PARD3B: variants seen among roughly 807,000 people sequenced by gnomAD.
PARD3B encodes par-3 family cell polarity regulator beta, also known as partitioning defective 3 homolog B.
In PARD3B, 103 loss-of-function variants were observed where a neutral mutation model predicts 130.2. That is an observed-to-expected ratio of 0.79 (90% CI 0.67 to 0.93). The LOEUF (loss-of-function observed/expected upper bound fraction) is 0.93, where lower values mean the gene tolerates loss of function less well. Among genes scored for constraint, PARD3B ranks in the 40% least tolerant of loss-of-function variants. The pLI is 0.00. For synonymous variants in PARD3B, 583 were observed against 553.2 expected, an observed-to-expected ratio of 1.05 and a Z score of -0.76; for missense variants, 1,609 against 1,499.2, an observed-to-expected ratio of 1.07 and a Z score of -1.21.
chr2:204,643,998 C>T (rs924573041), intron 1 of PARD3B, among the ~76,000 whole-genome samples: 1 of 152,126 alleles, frequency 6.6e-6, no homozygotes, highest in Non-Finnish European at 1.5e-5. Flanking sequence ...CTAGTCTTCC[C>T]CTTCTCAAGC....
In PARD3B at chr2:205,248,601, C is replaced by CTTTTTT. The variant is rs762295338; in HGVS notation, c.2185+2799_2185+2804dup. Among the ~76,000 whole-genome samples, 127 of 84,676 alleles carry CTTTTTT rather than the reference C, an allele frequency of 1.5e-3. 8 individuals carry two copies. Among genetic ancestry groups the CTTTTTT allele is most frequent in the African/African-American group, 2.3e-3 (48 of 20,732 alleles). The allele number at this position is 84,676 out of a possible 152,430, so 55.6% of individuals were successfully genotyped here. On this transcript the variant is annotated intron_variant, in intron 16 of 22. Coordinates refer to ENST00000406610, the MANE Select transcript of PARD3B (RefSeq NM_001302769.2). ...ATAAATCTCTACTTGTCTCACCATT[C>CTTTTTT]TTTTTTTTTTTTTTTTTTTTTTTTT... is the stretch of plus-strand genomic sequence containing the variant.
At chr2:204,917,722 G>A (rs2047500573) in intron 2 of PARD3B, among the ~76,000 whole-genome samples, 1 of 152,234 alleles carries the variant, frequency 6.6e-6, no homozygotes, top group Non-Finnish European at 1.5e-5. Flanking sequence ...TGTAGCCAAC[G>A]ACAAGTATTT....
intron 2 of PARD3B, among the ~76,000 whole-genome samples, chr2:204,857,187 T>C (rs920847356): frequency 2.0e-5 from 3 of 152,192 alleles, no homozygotes; most frequent in Admixed American, 6.6e-5. Flanking sequence ...ACTTTGAGCA[T>C]CTTTTTTCAA....
intron 18 of PARD3B, among the ~76,000 whole-genome samples, chr2:205,390,195 A>G (rs1351285067): frequency 6.6e-6 from 1 of 151,306 alleles, no homozygotes; most frequent in African/African-American, 2.4e-5. Context: ...TAAGATTTTT[A>G]TGACACAATG....
At chr2:205,083,761 A>G (rs951147681) in intron 4 of PARD3B, among the ~76,000 whole-genome samples, 1 of 151,872 alleles carries the variant, frequency 6.6e-6, no homozygotes, top group Non-Finnish European at 1.5e-5. Context: ...AACACTTTAT[A>G]TGGTTTAGAA....
intron 15 of PARD3B, among the ~76,000 whole-genome samples, chr2:205,231,071 C>T (rs1055124117): frequency 6.6e-6 from 1 of 152,054 alleles, no homozygotes; most frequent in African/African-American, 2.4e-5. Flanking sequence ...CCCTTCAGTG[C>T]CTTTTTCAGT....
intron 16 of PARD3B, among the ~76,000 whole-genome samples, chr2:205,254,483 T>C (rs1574513058): frequency 6.6e-6 from 1 of 152,222 alleles, no homozygotes; most frequent in East Asian, 1.9e-4. Context: ...ATATTGCTAT[T>C]ACTTCATGTA....
rs1309998658 is a variant in PARD3B, at chr2:205,440,424, T to G, written c.2796T>G (p.Asp932Glu). ...AAAAGCAGGCAAGAGGTCTTCTTGATTATGCTACTGGTGCAATTGGATCAG... is the reference window on the plus strand; with the variant it reads ...AAAAGCAGGCAAGAGGTCTTCTTGAGTATGCTACTGGTGCAATTGGATCAG... Reference protein sequence around the residue: ...LREKQARGLLDYATGAIGSVY... With the variant: ...LREKQARGLLEYATGAIGSVY... Residue 932 changes from aspartate (D) to glutamate (E), a missense_variant, in exon 20 of 23, where the codon GAT (aspartate) becomes GAG (glutamate). By Grantham distance (45) the Asp-to-Glu change is conservative. Coordinates refer to ENST00000406610, the MANE Select transcript of PARD3B (RefSeq NM_001302769.2). The surrounding 1 kb of genome is among the most constrained non-coding windows in gnomAD (Gnocchi z 4.2). The G allele has an allele frequency of 2.5e-6, 4 of 1,614,022 alleles. No homozygotes were observed. The highest frequency in any genetic ancestry group is 3.4e-6 in the Non-Finnish European group (4 of 1,179,994).
intron 2 of PARD3B, among the ~76,000 whole-genome samples, chr2:204,803,398 A>C (rs1408831203): frequency 6.6e-6 from 1 of 152,074 alleles, no homozygotes; most frequent in South Asian, 2.1e-4. Context: ...GTATTATGAC[A>C]TTGTAATTAT....
rs6729790 is a variant in PARD3B, at chr2:204,602,702, G to A, written c.120+56583G>A. On this transcript the variant is annotated intron_variant, in intron 1 of 22. Coordinates refer to ENST00000406610, the MANE Select transcript of PARD3B (RefSeq NM_001302769.2). ...AGGGCTCTGTGTTGATTGTTGGTGG[G>A]GGTGGGTGAGATACAAATATAACGT... 9.0e-3 allele frequency among the ~76,000 whole-genome samples: 1,370 copies of A among 151,978 alleles called. 19 individuals are homozygous for A. Among genetic ancestry groups the A allele is most frequent in the African/African-American group, 0.032 (1,330 of 41,460 alleles).
rs1290968921 is a variant in PARD3B, at chr2:205,523,978, T to TA, written c.3180+23948dup. Reference sequence around the variant, plus strand: ...TTGAAGTACGTAACAAATTTTTTTTTACCTCAATGACTTGACTGCTTCCCA... The same window carrying TA: ...TTGAAGTACGTAACAAATTTTTTTTTAACCTCAATGACTTGACTGCTTCCCA... On this transcript the variant is annotated intron_variant, in intron 21 of 22. Transcript: ENST00000406610. Among the ~76,000 whole-genome samples, 10 of 152,196 alleles carry TA rather than the reference T, an allele frequency of 6.6e-5. No homozygotes were observed. In the East Asian group the frequency reaches 1.9e-3, roughly 29 times the overall value.
At chr2:205,573,541 C>CT (rs2053634009) in intron 22 of PARD3B, among the ~76,000 whole-genome samples, 1 of 152,148 alleles carries the variant, frequency 6.6e-6, no homozygotes, top group African/African-American at 2.4e-5. Flanking sequence ...GAAAAGGAAA[C>CT]TGAGATTTTA....
At chr2:205,468,697 G>C (rs1260146749) in intron 20 of PARD3B, among the ~76,000 whole-genome samples, 3 of 152,136 alleles carry the variant, frequency 2.0e-5, no homozygotes, top group Non-Finnish European at 2.9e-5. Context: ...TTCACGGTGA[G>C]CATCAGGTAC....
At chr2:204,552,706 C>T (rs1257916374) in intron 1 of PARD3B, among the ~76,000 whole-genome samples, 3 of 152,178 alleles carry the variant, frequency 2.0e-5, no homozygotes, top group Non-Finnish European at 4.4e-5. Flanking sequence ...CAGCTTCATT[C>T]TCCTACATGT....
At chr2:205,611,975 C>G (rs1439811890) in intron 22 of PARD3B, among the ~76,000 whole-genome samples, 1 of 152,194 alleles carries the variant, frequency 6.6e-6, no homozygotes, top group Non-Finnish European at 1.5e-5. Flanking sequence ...GCATCCGACA[C>G]CGTGATGAGC....
At chr2:204,598,483 G>A (rs191468571) in intron 1 of PARD3B, among the ~76,000 whole-genome samples, 2 of 151,936 alleles carry the variant, frequency 1.3e-5, no homozygotes, top group Admixed American at 6.6e-5. Context: ...CTATAGCCTC[G>A]ATTTCCTCAT....
At chr2:204,970,226 A>G (rs1402848868) in intron 3 of PARD3B, among the ~76,000 whole-genome samples, 1 of 152,124 alleles carries the variant, frequency 6.6e-6, no homozygotes, top group African/African-American at 2.4e-5. Flanking sequence ...GGTTGGCCCA[A>G]CCCAATCTTT....
intron 19 of PARD3B, among the ~76,000 whole-genome samples, chr2:205,439,215 G>A (rs944905484): frequency 6.6e-6 from 1 of 152,022 alleles, no homozygotes; most frequent in Non-Finnish European, 1.5e-5. Flanking sequence ...CTGGCCTCCC[G>A]TATGTCTCCA....
intron 2 of PARD3B, among the ~76,000 whole-genome samples, chr2:204,701,116 T>C (rs975660936): frequency 2.0e-5 from 3 of 152,290 alleles, no homozygotes; most frequent in South Asian, 2.1e-4. Context: ...CACATTTTTC[T>C]ATGTATTTAT....
Sources: allele counts gnomAD v4.1 joint callset (sites outside exome capture counted in the v4.1 genomes callset), GRCh38; gene constraint gnomAD v4.1.1; non-coding constraint Gnocchi (gnomAD v3.1); transcripts MANE v1.5; gene names NCBI Gene and HGNC (gene_info 2026-07-23, HGNC 2026-07-21).